ASH1L: variants seen among roughly 807,000 people sequenced by gnomAD.
ASH1L encodes ASH1 like histone lysine methyltransferase, also known as histone-lysine N-methyltransferase ASH1L.
Under a neutral mutation model 269.0 loss-of-function variants are expected in ASH1L, and 23 were observed. The observed-to-expected ratio is 0.09, with a 90% confidence interval of 0.06 to 0.12. The LOEUF (loss-of-function observed/expected upper bound fraction) is 0.12, where lower values mean the gene tolerates loss of function less well. Among genes scored for constraint, ASH1L ranks in the 10% least tolerant of loss-of-function variants. The pLI is 1.00. For missense variants in ASH1L, 2,912 were observed against 3,567.8 expected, an observed-to-expected ratio of 0.82 and a Z score of 4.68; for synonymous variants, 1,187 against 1,253.5, an observed-to-expected ratio of 0.95 and a Z score of 1.12.
chr1:155,407,947 C>T (rs1191236594), intron 6 of ASH1L, among the ~76,000 whole-genome samples: 5 of 151,956 alleles, frequency 3.3e-5, no homozygotes, highest in Non-Finnish European at 7.4e-5. Flanking sequence ...GGAGTGATTG[C>T]CTAGTGATGT....
intron 2 of ASH1L, among the ~76,000 whole-genome samples, chr1:155,489,835 T>TAAATAAATAACA (rs894162203): frequency 2.0e-5 from 3 of 150,740 alleles, no homozygotes; most frequent in East Asian, 1.9e-4. Flanking sequence ...AATAAATAAA[T>TAAATAAATAACA]AACAATATGG....
intron 6 of ASH1L, among the ~76,000 whole-genome samples, chr1:155,409,198 G>C (rs1659560881): frequency 6.6e-6 from 1 of 151,872 alleles, no homozygotes; most frequent in Non-Finnish European, 1.5e-5. Flanking sequence ...GCTAATTTTT[G>C]CATTTTTGGT....
At chr1:155,395,324 TTAAG>T in intron 7 of ASH1L, 131 bp downstream of exon 7, 1 of 641,208 alleles carries the variant, frequency 1.6e-6, no homozygotes, top group East Asian at 3.1e-5. Context: ...CAGAGTAAGT[TTAAG>T]TAAAATGGTA....
At chr1:155,487,606 C>T (rs1666416175) in intron 2 of ASH1L, among the ~76,000 whole-genome samples, 2 of 151,964 alleles carry the variant, frequency 1.3e-5, no homozygotes, top group South Asian at 2.1e-4. Flanking sequence ...AGGCTAATCT[C>T]GAACTCCGGG....
chr1:155,350,571 A>G (rs1653808202), intron 17 of ASH1L, among the ~76,000 whole-genome samples: 1 of 152,186 alleles, frequency 6.6e-6, no homozygotes, highest in Non-Finnish European at 1.5e-5. Flanking sequence ...AGCAAAAAGA[A>G]TATCTTATCC....
chr1:155,440,326 T>TA (rs1364689362), intron 4 of ASH1L, among the ~76,000 whole-genome samples: 1 of 152,034 alleles, frequency 6.6e-6, no homozygotes, highest in Non-Finnish European at 1.5e-5. Context: ...TAATAAAATT[T>TA]AAAAAAAGGA....
chr1:155,438,228 T>G (rs1662252658), intron 5 of ASH1L, 99 bp downstream of exon 5: 1 of 1,269,056 alleles, frequency 7.9e-7, no homozygotes, highest in Admixed American at 2.6e-5. Flanking sequence ...TAGTAAAAAA[T>G]GAAAGGTTAT....
chr1:155,405,442 G>A (rs746490851), intron 6 of ASH1L, among the ~76,000 whole-genome samples: 12 of 150,738 alleles, frequency 8.0e-5, no homozygotes, highest in African/African-American at 2.4e-4. Flanking sequence ...AGATGAAGCC[G>A]CTGCCCTCAA....
At chr1:155,367,780 C>A (rs1655569913) in intron 12 of ASH1L, among the ~76,000 whole-genome samples, 1 of 152,058 alleles carries the variant, frequency 6.6e-6, no homozygotes, top group African/African-American at 2.4e-5. Flanking sequence ...AATGTTAAAC[C>A]AAACAATCTT....
At chr1:155,355,302 T>G (rs1053192670) in intron 15 of ASH1L, among the ~76,000 whole-genome samples, 1 of 152,232 alleles carries the variant, frequency 6.6e-6, no homozygotes, top group Admixed American at 6.5e-5. Flanking sequence ...CCACCCGCCT[T>G]GGCCTCCCAA....
chr1:155,386,110 C>T (rs1002287731), intron 7 of ASH1L, among the ~76,000 whole-genome samples: 2 of 151,684 alleles, frequency 1.3e-5, no homozygotes, highest in South Asian at 2.1e-4. Flanking sequence ...TCTTGTCACC[C>T]AGGCTGGAGT....
chr1:155,365,125 C>T (rs1442842005), intron 12 of ASH1L, among the ~76,000 whole-genome samples: 19 of 152,028 alleles, frequency 1.2e-4, no homozygotes, highest in Non-Finnish European at 2.8e-4. Flanking sequence ...CTGGCGATCA[C>T]GAAGGGATGA....
intron 1 of ASH1L, among the ~76,000 whole-genome samples, chr1:155,546,221 C>T (rs765274646): frequency 5.5e-5 from 8 of 145,950 alleles, no homozygotes; most frequent in Admixed American, 4.8e-4. Flanking sequence ...GTCCCAGCTA[C>T]GTGGTAGGCT....
intron 2 of ASH1L, among the ~76,000 whole-genome samples, chr1:155,488,877 T>C (rs1426082105): frequency 7.2e-5 from 11 of 152,022 alleles, no homozygotes; most frequent in African/African-American, 2.4e-4. Context: ...AAAATAGCTT[T>C]AGTCCACATA....
At chr1:155,452,317 G>A (rs1663544294) in intron 4 of ASH1L, among the ~76,000 whole-genome samples, 1 of 152,080 alleles carries the variant, frequency 6.6e-6, no homozygotes, top group Admixed American at 6.5e-5. Flanking sequence ...GGGATTACAG[G>A]CGTGACCGAC....
rs747132753 is a variant in ASH1L at position 155,492,033 on chromosome 1, CTTTTTT to C, written c.421-9590_421-9585del. 7.1e-5 allele frequency among the ~76,000 whole-genome samples: 8 copies of C among 111,942 alleles called. No individual in the cohort carries two copies. In the East Asian group the frequency reaches 1.4e-3, roughly 20 times the overall value. 73.4% of individuals were successfully genotyped at this position (111,942 alleles called of 152,430 possible). On this transcript the variant is annotated intron_variant, in intron 2 of 27. Coordinates refer to ENST00000392403, the MANE Select transcript of ASH1L (RefSeq NM_018489.3). ...CTAAGGTGGAATATAGTTTTGTTTA[CTTTTTT>C]TTTTTTTTTTTTTTGATGGAGTTTC...
At chr1:155,447,524 T>A (rs1663129843) in intron 4 of ASH1L, among the ~76,000 whole-genome samples, 1 of 152,120 alleles carries the variant, frequency 6.6e-6, no homozygotes, top group Non-Finnish European at 1.5e-5. Flanking sequence ...ACCACCACAC[T>A]CAGCCTTGTT....
At position 155,354,295 on chromosome 1, in the gene ASH1L, T is replaced by C. The variant is rs568689930; in HGVS notation, c.7213+178A>G. Among the ~76,000 whole-genome samples the C allele has an allele frequency of 2.6e-5, 4 of 152,168 alleles. No homozygotes were observed. The East Asian group carries it at 7.7e-4, about 29-fold the overall frequency. ...CCCTCTCTACTAAAAATACAAAAAT[T>C]AGCCGGGCATGGTGGCGGGCGCCTG... On this transcript the variant is annotated intron_variant, in intron 16 of 27. Transcript: ENST00000392403.
At chr1:155,425,277 G>GTTT (rs550440576) in intron 5 of ASH1L, among the ~76,000 whole-genome samples, 4 of 129,266 alleles carry the variant, frequency 3.1e-5, no homozygotes, top group East Asian at 2.4e-4. Context: ...GCCCGGCCTA[G>GTTT]TTTTTTTTTT....
Sources: gnomAD v4.1 joint callset for allele counts (sites outside exome capture counted in the v4.1 genomes callset) on GRCh38, gnomAD v4.1.1 for gene constraint, MANE v1.5 for transcripts, NCBI Gene and HGNC (gene_info 2026-07-23, HGNC 2026-07-21) for gene names.